The following ITGB5 variants were observed in gnomAD, a reference collection of about 807,000 sequenced individuals.
ITGB5 encodes integrin beta-5.
Under a neutral mutation model 84.8 loss-of-function variants are expected in ITGB5, and 38 were observed. That is an observed-to-expected ratio of 0.45 (90% CI 0.35 to 0.59). The LOEUF is 0.59. Among genes scored for constraint, ITGB5 ranks in the 20% least tolerant of loss-of-function variants. The probability of loss-of-function intolerance (pLI) is 0.01; values close to 1 mark genes in which losing one functional copy is unlikely to be tolerated. For missense variants in ITGB5, 905 were observed against 1,034.5 expected (o/e 0.87, Z 1.72); for synonymous variants, 393 against 414.4 (o/e 0.95, Z 0.63).
chr3:124,897,434 C>T (rs1198848516), intron 1 of ITGB5, among the ~76,000 whole-genome samples: 1 of 152,072 alleles, frequency 6.6e-6, no homozygotes, highest in Non-Finnish European at 1.5e-5. Context: ...AGAACTTGGT[C>T]CTTGCCTCCA....
At chr3:124,882,796 T>G (rs1271480454) in intron 1 of ITGB5, among the ~76,000 whole-genome samples, 1 of 151,656 alleles carries the variant, frequency 6.6e-6, no homozygotes, top group Non-Finnish European at 1.5e-5. Flanking sequence ...CTGGCTGGAG[T>G]TGGGGAGGGA....
intron 14 of ITGB5, among the ~76,000 whole-genome samples, chr3:124,764,112 GCTCT>G (rs1172684639): frequency 6.6e-6 from 1 of 152,146 alleles, no homozygotes; most frequent in Non-Finnish European, 1.5e-5. Context: ...GTTGGTCTGT[GCTCT>G]CTCTGAGACT....
chr3:124,792,596 A>G (rs960149980), intron 10 of ITGB5: 1 of 152,154 alleles, frequency 6.6e-6, no homozygotes, highest in Non-Finnish European at 1.5e-5. Context: ...GTTTTCTTTA[A>G]TGGTTGTCTA....
chr3:124,830,788 G>A (rs942659787), intron 5 of ITGB5, among the ~76,000 whole-genome samples: 5 of 152,166 alleles, frequency 3.3e-5, no homozygotes, highest in African/African-American at 9.6e-5. Flanking sequence ...GTTTGAGACC[G>A]GCCTGGCCAA....
chr3:124,816,730 C>T (rs1040774594), intron 8 of ITGB5, among the ~76,000 whole-genome samples: 2 of 152,112 alleles, frequency 1.3e-5, no homozygotes, highest in Non-Finnish European at 1.5e-5. Flanking sequence ...AAGAGAAAGG[C>T]TTGGGAGGTG....
At chr3:124,872,952 T>C (rs1934129223) in intron 2 of ITGB5, among the ~76,000 whole-genome samples, 1 of 152,232 alleles carries the variant, frequency 6.6e-6, no homozygotes, top group Admixed American at 6.5e-5. Flanking sequence ...CAAACCTATA[T>C]CTCTTTCTAA....
chr3:124,817,774 A>G (rs1379970432), intron 7 of ITGB5, 64 bp from the exon 8 acceptor site: 1 of 893,342 alleles, frequency 1.1e-6, no homozygotes, highest in African/African-American at 1.7e-5. Flanking sequence ...CAGAGTGAGC[A>G]TTGCTATACT....
At chr3:124,887,761 C>T (rs1450688801), upstream of ITGB5, 6 of 435,432 alleles carry the variant, frequency 1.4e-5, no homozygotes, top group Non-Finnish European at 1.9e-5. Flanking sequence ...GTACGGGGGT[C>T]GTGCCGGTAC....
At chr3:124,882,053 C>T (rs1435566939) in intron 1 of ITGB5, among the ~76,000 whole-genome samples, 1 of 152,200 alleles carries the variant, frequency 6.6e-6, no homozygotes, top group Non-Finnish European at 1.5e-5. Flanking sequence ...TCCCTGACTT[C>T]AAAGCTAGCT....
chr3:124,887,603 G>C (rs1340318221), upstream of ITGB5: 1 of 387,260 alleles, frequency 2.6e-6, no homozygotes, highest in Non-Finnish European at 5.4e-6. Context: ...GACTCACTTG[G>C]GGCGTGGGGG....
At chr3:124,897,652 T>C (rs2107662355) in intron 1 of ITGB5, among the ~76,000 whole-genome samples, 1 of 152,290 alleles carries the variant, frequency 6.6e-6, no homozygotes, top group South Asian at 2.1e-4. Context: ...ACCCCATCTC[T>C]ACAAAATAAA....
At chr3:124,771,748 C>CAAACAAAAAAAAA (rs2063847345) in intron 11 of ITGB5, among the ~76,000 whole-genome samples, 1 of 69,156 alleles carries the variant, frequency 1.4e-5, no homozygotes, top group Non-Finnish European at 2.9e-5. Flanking sequence ...GACCCTGTCT[C>CAAACAAAAAAAAA]AAAAAAAAAA....
chr3:124,861,527 CAGAGAGAT>C (rs1309038809), intron 2 of ITGB5, among the ~76,000 whole-genome samples: 3 of 135,560 alleles, frequency 2.2e-5, no homozygotes, highest in African/African-American at 8.3e-5. Context: ...CACACACACA[CAGAGAGAT>C]ACACATATAT....
chr3:124,764,928 C>G (rs925387966), intron 13 of ITGB5, among the ~76,000 whole-genome samples: 1 of 151,626 alleles, frequency 6.6e-6, no homozygotes, highest in East Asian at 1.9e-4. Flanking sequence ...TACCATGAAG[C>G]CACATGAAGC....
chr3:124,836,425 G>A (rs1364137455), intron 5 of ITGB5, among the ~76,000 whole-genome samples: 1 of 150,818 alleles, frequency 6.6e-6, no homozygotes, highest in African/African-American at 2.4e-5. Flanking sequence ...CAGCCTGGGC[G>A]ATAGAATGAG....
At position 124,886,951 on chromosome 3, in the gene ITGB5, G is replaced by C; in HGVS notation, c.50C>G (p.Ala17Gly). The C allele has an allele frequency of 1.7e-6, 2 of 1,210,394 alleles. No individual in the cohort carries two copies. Among genetic ancestry groups the C allele is most frequent in the African/African-American group, 1.6e-5 (1 of 63,462 alleles). 75.0% of individuals were successfully genotyped at this position (1,210,394 alleles called of 1,614,324 possible). A position where few individuals can be genotyped will look rare whatever the true frequency, so the allele number is the denominator to read the frequency against. ...PLYACLLGLC[A>G]LLPRLAGLNI... Reference sequence around the variant, plus strand: ...CTTACCTGCGAGCCGGGGCAGGAGCGCGCAGAGCCCCAGGAGGCAGGCGTA... The same window carrying C: ...CTTACCTGCGAGCCGGGGCAGGAGCCCGCAGAGCCCCAGGAGGCAGGCGTA... Residue 17 changes from alanine (A) to glycine (G), a missense_variant, in exon 1 of 15, where the codon GCG becomes GGG. Around this residue, in one of 3 missense-constraint regions of ITGB5, gnomAD observed 656 missense variants for 734.7 expected, o/e 0.89. Coordinates refer to ENST00000296181, the MANE Select transcript of ITGB5 (RefSeq NM_002213.5).
chr3:124,804,770 G>A (rs1432212046), intron 9 of ITGB5, among the ~76,000 whole-genome samples: 1 of 151,962 alleles, frequency 6.6e-6, no homozygotes, highest in African/African-American at 2.4e-5. Flanking sequence ...AGGTTTGAGC[G>A]ATTCTCCTGC....
intron 9 of ITGB5, among the ~76,000 whole-genome samples, chr3:124,806,297 C>A (rs925489286): frequency 6.6e-6 from 1 of 152,172 alleles, no homozygotes; most frequent in African/African-American, 2.4e-5. Context: ...TAAAGGGTTC[C>A]TTGTTTGGGT....
In ITGB5 at chr3:124,784,073, T is replaced by C. The variant is rs565938589; in HGVS notation, c.1694-10161A>G. The stretch of plus-strand genomic sequence containing the variant: ...TGCTATAAAAAAAAATAAGGTGATA[T>C]TGCTTTAAGCCAAGGTTCTCCAAAC... On this transcript the variant is annotated intron_variant, in intron 10 of 14. Coordinates refer to ENST00000296181, the MANE Select transcript of ITGB5 (RefSeq NM_002213.5). 6.6e-5 allele frequency among the ~76,000 whole-genome samples: 10 copies of C among 152,340 alleles called. No individual in the cohort carries two copies. In the South Asian group the frequency reaches 1.0e-3, roughly 16 times the overall value.
Sources: gnomAD v4.1 joint callset for allele counts (sites outside exome capture counted in the v4.1 genomes callset) on GRCh38, gnomAD v4.1.1 for gene constraint, gnomAD v4.1.1 regional missense constraint, MANE v1.5 for transcripts, NCBI Gene and HGNC (gene_info 2026-07-23, HGNC 2026-07-21) for gene names.